Variants in CSTPP1 observed in about 807,000 individuals in gnomAD.
CSTPP1 encodes UPF0705 protein C11orf49.
At chr11:46,957,260 C>T in the CSTPP1 span, among the ~76,000 whole-genome samples, 1 of 152,158 alleles carries the variant, frequency 6.6e-6, no homozygotes, top group Non-Finnish European at 1.5e-5. Context: ...TTCATCCTTA[C>T]ATGGATATTA....
At chr11:47,157,096 G>A in the CSTPP1 span, 499 of 1,614,034 alleles carry the variant, frequency 3.1e-4, no homozygotes, top group Non-Finnish European at 4.1e-4. Flanking sequence ...TGATTGTGCC[G>A]ACGTCGTCCA....
At chr11:47,075,429 G>T in the CSTPP1 span, among the ~76,000 whole-genome samples, 1 of 151,862 alleles carries the variant, frequency 6.6e-6, no homozygotes, top group African/African-American at 2.4e-5. Flanking sequence ...AAGATGTAAA[G>T]GCACAAGAAC....
At chr11:47,031,894 G>A in the CSTPP1 span, among the ~76,000 whole-genome samples, 1 of 152,130 alleles carries the variant, frequency 6.6e-6, no homozygotes. Context: ...AGGATAGCCA[G>A]TAAACTGAAG....
At chr11:47,064,498 G>A in the CSTPP1 span, among the ~76,000 whole-genome samples, 1 of 152,132 alleles carries the variant, frequency 6.6e-6, no homozygotes, top group South Asian at 2.1e-4. Flanking sequence ...TTTATGTAAG[G>A]TATTAGGTAA....
chr11:47,052,076 G>A, the CSTPP1 span: 21 of 183,434 alleles, frequency 1.1e-4, no homozygotes, highest in East Asian at 2.5e-3. Context: ...GAGTGCCAGT[G>A]TCATCCAGTT....
At chr11:46,939,378 C>T in the CSTPP1 span, among the ~76,000 whole-genome samples, 3 of 151,918 alleles carry the variant, frequency 2.0e-5, no homozygotes, top group Non-Finnish European at 2.9e-5. Context: ...CGTGAGCCAC[C>T]GCGCCCAGCC....
the CSTPP1 span, among the ~76,000 whole-genome samples, chr11:47,061,883 A>G: frequency 1.3e-5 from 2 of 151,868 alleles, no homozygotes; most frequent in Non-Finnish European, 2.9e-5. Context: ...TCACCTCTGT[A>G]CCTCCAATAA....
At chr11:47,131,473 T>C in the CSTPP1 span, among the ~76,000 whole-genome samples, 1 of 152,188 alleles carries the variant, frequency 6.6e-6, no homozygotes, top group Non-Finnish European at 1.5e-5. Flanking sequence ...CTTGAATATA[T>C]TGGGAATCAA....
the CSTPP1 span, among the ~76,000 whole-genome samples, chr11:47,062,258 C>T: frequency 2.6e-5 from 4 of 152,064 alleles, no homozygotes; most frequent in Non-Finnish European, 4.4e-5. Context: ...TTTGTTTTGC[C>T]AGTAATTATA....
chr11:46,964,425 A>G, the CSTPP1 span, among the ~76,000 whole-genome samples: 4 of 152,042 alleles, frequency 2.6e-5, no homozygotes, highest in Non-Finnish European at 4.4e-5. Context: ...AGCTGGGACT[A>G]TAGGCGCCCG....
chr11:47,037,863 G>A, the CSTPP1 span, among the ~76,000 whole-genome samples: 6 of 123,556 alleles, frequency 4.9e-5, 1 homozygote, highest in East Asian at 6.4e-4. Flanking sequence ...CCACAAAACC[G>A]CCATTGTCAT....
At chr11:47,047,234 T>C in the CSTPP1 span, among the ~76,000 whole-genome samples, 1 of 152,144 alleles carries the variant, frequency 6.6e-6, no homozygotes, top group Non-Finnish European at 1.5e-5. Flanking sequence ...TAAATAGGCT[T>C]TTTCACTGAG....
At chr11:47,161,530 C>T in the CSTPP1 span, 2 of 1,614,162 alleles carry the variant, frequency 1.2e-6, no homozygotes, top group Non-Finnish European at 1.7e-6. Flanking sequence ...GCCTGCCTTC[C>T]CGGACCCCTC....
At chr11:46,940,232 C>T in the CSTPP1 span, among the ~76,000 whole-genome samples, 14 of 152,150 alleles carry the variant, frequency 9.2e-5, no homozygotes, top group Non-Finnish European at 1.6e-4. Flanking sequence ...TCATTTTTAG[C>T]TATATAGTAT....
the CSTPP1 span, among the ~76,000 whole-genome samples, chr11:47,005,219 TTA>T: frequency 5.3e-5 from 8 of 152,210 alleles, no homozygotes; most frequent in African/African-American, 1.9e-4. Context: ...GAGTCAAATT[TTA>T]TGTTTAGAAT....
chr11:47,014,269 AAG>A, the CSTPP1 span, among the ~76,000 whole-genome samples: 1 of 151,648 alleles, frequency 6.6e-6, no homozygotes, highest in Non-Finnish European at 1.5e-5. Flanking sequence ...GAGAGAAAGA[AAG>A]AGAAAAGAAA....
the CSTPP1 span, among the ~76,000 whole-genome samples, chr11:47,106,145 C>T: frequency 6.6e-6 from 1 of 152,184 alleles, no homozygotes; most frequent in Non-Finnish European, 1.5e-5. Context: ...CCATGGAACA[C>T]AGGGAAACCG....
At chr11:47,119,342 G>A in the CSTPP1 span, among the ~76,000 whole-genome samples, 1 of 152,186 alleles carries the variant, frequency 6.6e-6, no homozygotes, top group Non-Finnish European at 1.5e-5. Flanking sequence ...AGAGTGTCCC[G>A]TTTTTCCAGG....
chr11:47,148,269 G>A, the CSTPP1 span, among the ~76,000 whole-genome samples: 1 of 152,084 alleles, frequency 6.6e-6, no homozygotes, highest in Non-Finnish European at 1.5e-5. Context: ...AAACAGACAT[G>A]GGGACACCCT....
Sources: allele counts gnomAD v4.1 joint callset (sites outside exome capture counted in the v4.1 genomes callset), GRCh38; gene constraint gnomAD v4.1.1; transcripts MANE v1.5; gene names NCBI Gene and HGNC (gene_info 2026-07-23, HGNC 2026-07-21).